The following PCMT1 variants were observed in gnomAD, a reference collection of about 807,000 sequenced individuals.
PCMT1 encodes protein-L-isoaspartate (D-aspartate) O-methyltransferase.
PCMT1 carries 9 observed loss-of-function variants against 29.2 expected under a neutral mutation model. That is an observed-to-expected ratio of 0.31 (90% confidence interval 0.19 to 0.54). The LOEUF (loss-of-function observed/expected upper bound fraction) is 0.54. Ranked by LOEUF, PCMT1 falls within the 20% of genes least tolerant of loss-of-function variation. The pLI, the probability that PCMT1 is intolerant of heterozygous loss-of-function variation, is 0.95. For synonymous variants in PCMT1, 98 were observed against 97.5 expected, an observed-to-expected ratio of 1.00 and a Z score of -0.03; for missense variants, 184 against 282.2, an observed-to-expected ratio of 0.65 and a Z score of 2.49.
chr6:149,801,112 G>A (rs967083212), intron 6 of PCMT1, among the ~76,000 whole-genome samples: 5 of 152,050 alleles, frequency 3.3e-5, no homozygotes, highest in Non-Finnish European at 5.9e-5. Context: ...AAATATTTGG[G>A]ACCAGAAGTG....
chr6:149,751,290 C>G (rs1289056262), intron 1 of PCMT1, among the ~76,000 whole-genome samples: 1 of 152,018 alleles, frequency 6.6e-6, no homozygotes, highest in Non-Finnish European at 1.5e-5. Context: ...GCACTCCAGC[C>G]TGGGCAACAA....
intron 3 of PCMT1, among the ~76,000 whole-genome samples, chr6:149,780,921 C>T (rs1787787771): frequency 1.3e-5 from 2 of 152,208 alleles, no homozygotes; most frequent in South Asian, 4.1e-4. Context: ...TGTGGAATGG[C>T]CAAACCGTTT....
At chr6:149,783,637 A>G (rs1787904495) in intron 3 of PCMT1, among the ~76,000 whole-genome samples, 1 of 152,164 alleles carries the variant, frequency 6.6e-6, no homozygotes. Context: ...TCTAACCCTG[A>G]GGAAGCAGAG....
At chr6:149,795,259 C>A in intron 5 of PCMT1, 2 of 402,766 alleles carry the variant, frequency 5.0e-6, no homozygotes, top group South Asian at 2.2e-5. Context: ...AGAAAAAGAT[C>A]ACAGTTCCTC....
chr6:149,802,033 G>A (rs1414360710), intron 6 of PCMT1, among the ~76,000 whole-genome samples, 167 bp from the exon 7 acceptor site: 1 of 152,072 alleles, frequency 6.6e-6, no homozygotes, highest in Non-Finnish European at 1.5e-5. Context: ...GGAGACTGAG[G>A]CAGGAGAATC....
chr6:149,761,961 A>G (rs985418295), intron 1 of PCMT1, among the ~76,000 whole-genome samples: 1 of 152,100 alleles, frequency 6.6e-6, no homozygotes, highest in African/African-American at 2.4e-5. Flanking sequence ...TTTGTTTCCT[A>G]TATTACAGAC....
chr6:149,761,314 TAGG>T (rs755912384), intron 1 of PCMT1, among the ~76,000 whole-genome samples: 23 of 152,150 alleles, frequency 1.5e-4, no homozygotes, highest in East Asian at 5.8e-4. Context: ...CTATCTATGA[TAGG>T]AGAATTGAGA....
intron 3 of PCMT1, among the ~76,000 whole-genome samples, chr6:149,777,686 A>G (rs1490880831): frequency 6.6e-6 from 1 of 152,188 alleles, no homozygotes; most frequent in African/African-American, 2.4e-5. Context: ...ATTTCTTCTA[A>G]GATAGGAATT....
intron 1 of PCMT1, among the ~76,000 whole-genome samples, chr6:149,769,356 G>T (rs113774683): frequency 0.027 from 3,100 of 116,274 alleles, 132 homozygotes; most frequent in African/African-American, 0.1. Flanking sequence ...ACTCTGTCAC[G>T]CAGGCTGGAG....
chr6:149,754,218 T>TA (rs1181062348), intron 1 of PCMT1, among the ~76,000 whole-genome samples: 2 of 152,158 alleles, frequency 1.3e-5, no homozygotes, highest in East Asian at 3.9e-4. Context: ...TTCAATTTTT[T>TA]AAAAAATTAA....
chr6:149,773,060 GGATGGTAGAAAAGAAATTATGT>G, intron 2 of PCMT1, 56 bp from the exon 3 acceptor site: 1 of 1,049,930 alleles, frequency 9.5e-7, no homozygotes, highest in Non-Finnish European at 1.4e-6. Flanking sequence ...AATAACGTAT[GGATGGTAGAAAAGAAATTATGT>G]GAAATAGTAT....
intron 4 of PCMT1, among the ~76,000 whole-genome samples, 193 bp downstream of exon 4, chr6:149,790,251 A>G (rs1425462577): frequency 3.3e-5 from 5 of 152,200 alleles, no homozygotes; most frequent in Non-Finnish European, 7.3e-5. Context: ...GCAGAGCTAA[A>G]AGGGAGTTTA....
At chr6:149,763,091 A>ATC (rs1786901465) in intron 1 of PCMT1, among the ~76,000 whole-genome samples, 1 of 71,062 alleles carries the variant, frequency 1.4e-5, no homozygotes, top group Non-Finnish European at 2.1e-5. Flanking sequence ...TATCTATGAT[A>ATC]TATATGATAT....
intron 3 of PCMT1, among the ~76,000 whole-genome samples, chr6:149,789,206 G>A (rs948206533): frequency 2.0e-5 from 3 of 151,550 alleles, no homozygotes; most frequent in African/African-American, 7.3e-5. Context: ...CTCCCGAGTA[G>A]CTGGGATTAC....
chr6:149,780,739 A>G (rs1416675240), intron 3 of PCMT1, among the ~76,000 whole-genome samples: 1 of 152,158 alleles, frequency 6.6e-6, no homozygotes, highest in Non-Finnish European at 1.5e-5. Flanking sequence ...GATATACAAC[A>G]TTTATCTATT....
At chr6:149,789,691 T>C (rs192476993) in intron 3 of PCMT1, among the ~76,000 whole-genome samples, 304 of 148,424 alleles carry the variant, frequency 2.0e-3, no homozygotes, top group Non-Finnish European at 3.5e-3. Flanking sequence ...TTTTCACTTA[T>C]AAATCTTTTA....
intron 1 of PCMT1, among the ~76,000 whole-genome samples, chr6:149,756,273 A>G (rs546258927): frequency 2.2e-4 from 26 of 117,332 alleles, no homozygotes; most frequent in African/African-American, 1.2e-3. Context: ...TTTGTAAATA[A>G]TGAAATTATT....
chr6:149,799,930 A>G (rs1788758252), intron 6 of PCMT1, among the ~76,000 whole-genome samples: 1 of 152,210 alleles, frequency 6.6e-6, no homozygotes, highest in South Asian at 2.1e-4. Flanking sequence ...GAAGGAAGCA[A>G]AATGTAGATT....
intron 1 of PCMT1, among the ~76,000 whole-genome samples, chr6:149,766,351 AT>A (rs1292680723): frequency 5.3e-5 from 8 of 152,118 alleles, no homozygotes; most frequent in Non-Finnish European, 1.0e-4. Flanking sequence ...TGGCCTCGAT[AT>A]TTGAAGGACA....
Sources: allele counts gnomAD v4.1 joint callset (sites outside exome capture counted in the v4.1 genomes callset), GRCh38; gene constraint gnomAD v4.1.1; transcripts MANE v1.5; gene names NCBI Gene and HGNC (gene_info 2026-07-23, HGNC 2026-07-21).